The following MALRD1 variants were observed in gnomAD, a reference collection of about 807,000 sequenced individuals.
The protein encoded by MALRD1 is MAM and LDL-receptor class A domain-containing protein 1.
In MALRD1, 247 loss-of-function variants were observed where a neutral mutation model predicts 242.1. That is an observed-to-expected ratio of 1.02 (90% CI 0.92 to 1.13). The LOEUF is 1.13. Among genes scored for constraint, MALRD1 ranks in the 50% most tolerant of loss-of-function variants. The pLI, the probability that MALRD1 is intolerant of heterozygous loss-of-function variation, is 0.00. For missense variants in MALRD1, 2,989 were observed against 2,533.1 expected, an observed-to-expected ratio of 1.18 and a Z score of -3.86; for synonymous variants, 995 against 866.6, an observed-to-expected ratio of 1.15 and a Z score of -2.60.
chr10:19,187,165 C>T (rs2131576059), intron 14 of MALRD1, among the ~76,000 whole-genome samples: 1 of 152,244 alleles, frequency 6.6e-6, no homozygotes, highest in Non-Finnish European at 1.5e-5. Context: ...CATGCACAAA[C>T]TAATTTATAG....
chr10:19,372,758 G>A (rs911622202), intron 26 of MALRD1, among the ~76,000 whole-genome samples: 1 of 152,040 alleles, frequency 6.6e-6, no homozygotes, highest in Non-Finnish European at 1.5e-5. Flanking sequence ...GTGAGCCACA[G>A]TGCCCAGCCA....
rs547227228 is a variant in MALRD1, at chr10:19,133,971, A to AT, written c.1203+30dup. ...AAGGTATGAAAGAAAAAAAAAAAGTATTTTTTTATCATGGTTTAAGTTTTA... is the reference window on the plus strand; with the variant it reads ...AAGGTATGAAAGAAAAAAAAAAAGTATTTTTTTTATCATGGTTTAAGTTTTA... On this transcript the variant is annotated intron_variant, in intron 9 of 39. Coordinates refer to ENST00000454679, the MANE Select transcript of MALRD1 (RefSeq NM_001142308.3). The AT allele has an allele frequency of 1.9e-3, 2,099 of 1,133,770 alleles. 4 individuals carry two copies. The highest frequency in any genetic ancestry group is 4.5e-3 in the African/African-American group (283 of 62,480). 70.2% of individuals were successfully genotyped at this position (1,133,770 alleles called of 1,614,324 possible). A position where few individuals can be genotyped will look rare whatever the true frequency, so the allele number is the denominator to read the frequency against.
chr10:19,131,654 A>G (rs938377546), intron 8 of MALRD1, among the ~76,000 whole-genome samples: 1 of 152,162 alleles, frequency 6.6e-6, no homozygotes, highest in Non-Finnish European at 1.5e-5. Context: ...AAACTCAACA[A>G]CATTGACTTT....
chr10:19,163,137 T>TAAAAAAAAAAAAAAA lies in MALRD1; in HGVS notation c.1657-2486_1657-2472dup. 3.8e-3 allele frequency among the ~76,000 whole-genome samples: 168 copies of TAAAAAAAAAAAAAAA among 43,824 alleles called. 9 individuals carry two copies. The highest frequency in any genetic ancestry group is 6.3e-3 in the Admixed American group (18 of 2,850). The allele number at this position is 43,824 out of a possible 152,430, so 28.8% of individuals were successfully genotyped here. A position where few individuals can be genotyped will look rare whatever the true frequency, so the allele number is the denominator to read the frequency against. ...TGAACAACTGGAGTGAAACCCTGTC[T>TAAAAAAAAAAAAAAA]AAAAAAAAAAAAAAAAAAAAAAAAA... On this transcript the variant is annotated intron_variant, in intron 12 of 39. Coordinates refer to ENST00000454679, the MANE Select transcript of MALRD1 (RefSeq NM_001142308.3).
chr10:19,341,077 T>A (rs954010660), intron 24 of MALRD1, among the ~76,000 whole-genome samples: 2 of 152,028 alleles, frequency 1.3e-5, no homozygotes, highest in African/African-American at 4.8e-5. Context: ...GTTTTAATAT[T>A]CGATATTAAT....
chr10:19,465,359 T>C (rs10764024), intron 29 of MALRD1, among the ~76,000 whole-genome samples: 123,751 of 151,986 alleles, frequency 0.81, 50,565 homozygotes, highest in East Asian at 1. Context: ...TCATAAACGG[T>C]TTTTTATAAG....
At chr10:19,161,420 G>T (rs1414605688) in intron 12 of MALRD1, among the ~76,000 whole-genome samples, 2 of 130,878 alleles carry the variant, frequency 1.5e-5, no homozygotes, top group African/African-American at 2.8e-5. Flanking sequence ...ACAGTAGTGG[G>T]TGCAGCGCAC....
chr10:19,712,053 T>G lies in MALRD1; in HGVS notation c.6315-18653T>G, dbSNP rs543059317. 4.6e-5 allele frequency among the ~76,000 whole-genome samples: 7 copies of G among 152,304 alleles called. No homozygotes were observed. In the South Asian group the frequency reaches 1.4e-3, roughly 32 times the overall value. On this transcript the variant is annotated intron_variant, in intron 38 of 39. Coordinates refer to ENST00000454679, the MANE Select transcript of MALRD1 (RefSeq NM_001142308.3). ...GAGTTTCAGGTCCTTGATACTATCT[T>G]GGAGGCCTGATGGTTGGTTTCCCAA...
intron 29 of MALRD1, among the ~76,000 whole-genome samples, chr10:19,459,310 A>C (rs1835819667): frequency 6.6e-6 from 1 of 152,186 alleles, no homozygotes; most frequent in Non-Finnish European, 1.5e-5. Flanking sequence ...GTTGACACTA[A>C]ACAAAATTCT....
At chr10:19,176,607 C>G (rs1273236798) in intron 14 of MALRD1, among the ~76,000 whole-genome samples, 1 of 151,226 alleles carries the variant, frequency 6.6e-6, no homozygotes, top group Non-Finnish European at 1.5e-5. Flanking sequence ...ATCTCCTGAC[C>G]TCATGATCCA....
intron 36 of MALRD1, among the ~76,000 whole-genome samples, chr10:19,654,124 T>A (rs998645041): frequency 6.6e-6 from 1 of 152,206 alleles, no homozygotes; most frequent in Non-Finnish European, 1.5e-5. Flanking sequence ...TGTGATTTTT[T>A]TGAAATGACA....
rs1018756699 is a variant in MALRD1 at position 19,389,373 on chromosome 10, A to T, written c.4688-79A>T. The T allele has an allele frequency of 3.4e-5, 47 of 1,399,148 alleles. No homozygotes were observed. The Admixed American group carries it at 9.3e-4, about 28-fold the overall frequency. The allele number at this position is 1,399,148 out of a possible 1,614,324, so 86.7% of individuals were successfully genotyped here. A position where few individuals can be genotyped will look rare whatever the true frequency, so the allele number is the denominator to read the frequency against. ...CAGATCATACGAATTGTAATTAAAG[A>T]CCCTAACTATGATGGAAATGCAAAA... is the stretch of plus-strand genomic sequence containing the variant. On this transcript the variant is annotated intron_variant, in intron 27 of 39. Coordinates refer to ENST00000454679, the MANE Select transcript of MALRD1 (RefSeq NM_001142308.3).
rs550752810 is a variant in MALRD1 at position 19,643,260 on chromosome 10, C to T, written c.6137+27337C>T. Among the ~76,000 whole-genome samples, 33 of 151,836 alleles carry T rather than the reference C, an allele frequency of 2.2e-4. No individual in the cohort carries two copies. In the South Asian group the frequency reaches 3.5e-3, roughly 16 times the overall value. ...CAGCCTGGCCAACATGGTGAAACCCCGTCTCTAATAAAAATACAGAAAAAA... is the reference window on the plus strand; with the variant it reads ...CAGCCTGGCCAACATGGTGAAACCCTGTCTCTAATAAAAATACAGAAAAAA... On this transcript the variant is annotated intron_variant, in intron 36 of 39. Coordinates refer to ENST00000454679, the MANE Select transcript of MALRD1 (RefSeq NM_001142308.3).
In MALRD1 at chr10:19,456,693, A is replaced by G. The variant is rs79841059; in HGVS notation, c.5029+6203A>G. On this transcript the variant is annotated intron_variant, in intron 29 of 39. Coordinates refer to ENST00000454679, the MANE Select transcript of MALRD1 (RefSeq NM_001142308.3). The stretch of plus-strand genomic sequence containing the variant: ...GTAAATGTCAGACAAGAAAAAGAAG[A>G]AGGCAATGAGTAGAAAAGTAATGCA... Among the ~76,000 whole-genome samples, 902 of 152,286 alleles carry G rather than the reference A, an allele frequency of 5.9e-3. 13 individuals are homozygous for G. Among genetic ancestry groups the G allele is most frequent in the Admixed American group, 0.024 (364 of 15,286 alleles).
chr10:19,448,411 A>G (rs770115012), intron 28 of MALRD1, among the ~76,000 whole-genome samples: 10 of 151,954 alleles, frequency 6.6e-5, no homozygotes, highest in Non-Finnish European at 1.0e-4. Flanking sequence ...GGAACTAACC[A>G]TAAACATAAT....
intron 34 of MALRD1, among the ~76,000 whole-genome samples, chr10:19,603,948 G>T (rs1004088502): frequency 1.3e-5 from 2 of 152,076 alleles, no homozygotes; most frequent in Non-Finnish European, 2.9e-5. Context: ...TCCTCTCCTT[G>T]GGTCTCCCCA....
intron 21 of MALRD1, among the ~76,000 whole-genome samples, chr10:19,293,867 C>G (rs1408967691): frequency 6.6e-6 from 1 of 152,160 alleles, no homozygotes; most frequent in Non-Finnish European, 1.5e-5. Flanking sequence ...TGAATTTTAC[C>G]TATGTGACAA....
intron 14 of MALRD1, among the ~76,000 whole-genome samples, chr10:19,201,807 A>G (rs1836551837): frequency 1.3e-5 from 2 of 152,132 alleles, no homozygotes; most frequent in South Asian, 2.1e-4. Flanking sequence ...GAAGATTTCT[A>G]AACTTTACTT....
At chr10:19,063,990 C>T (rs1834898605) in intron 1 of MALRD1, among the ~76,000 whole-genome samples, 1 of 151,694 alleles carries the variant, frequency 6.6e-6, no homozygotes. Flanking sequence ...ATTTTTCTTT[C>T]CATTATCGTG....
Sources: allele counts gnomAD v4.1 joint callset (sites outside exome capture counted in the v4.1 genomes callset), GRCh38; gene constraint gnomAD v4.1.1; transcripts MANE v1.5; gene names NCBI Gene and HGNC (gene_info 2026-07-23, HGNC 2026-07-21).